GALNT17: variants seen among roughly 807,000 people sequenced by gnomAD.
GALNT17 encodes polypeptide N-acetylgalactosaminyltransferase 17.
In GALNT17, 29 loss-of-function variants were observed where a neutral mutation model predicts 63.7. That is an observed-to-expected ratio of 0.46 (90% confidence interval 0.34 to 0.62). The LOEUF (loss-of-function observed/expected upper bound fraction) is 0.62. GALNT17 is among the 20% of genes least tolerant of loss of function. The pLI, the probability that GALNT17 is intolerant of heterozygous loss-of-function variation, is 0.01. For missense variants in GALNT17, 603 were observed against 799.6 expected (o/e 0.75, Z 2.97); for synonymous variants, 305 against 318.3 (o/e 0.96, Z 0.45).
At chr7:71,517,830 A>G (rs1788468744) in intron 5 of GALNT17, among the ~76,000 whole-genome samples, 1 of 152,222 alleles carries the variant, frequency 6.6e-6, no homozygotes, top group Admixed American at 6.5e-5. Flanking sequence ...CCAAGTAAAC[A>G]AAAACAGAAA....
At chr7:71,396,461 T>C (rs944820683) in intron 3 of GALNT17, among the ~76,000 whole-genome samples, 4 of 152,190 alleles carry the variant, frequency 2.6e-5, no homozygotes, top group Non-Finnish European at 5.9e-5. Flanking sequence ...CTCTCAATCC[T>C]ATTTCTTTGA....
At position 71,388,229 on chromosome 7, in the gene GALNT17, C is replaced by A. The variant is rs368838334; in HGVS notation, c.423-6C>A. On this transcript the variant is annotated splice_polypyrimidine_tract_variant and splice_region_variant and intron_variant, in intron 2 of 10. Transcript: ENST00000333538. ...GACTCTGCATTTCCGATCTCTCCTTCCCCAGGTGTAAGGAGCTCAAGTACT... is the reference window on the plus strand; with the variant it reads ...GACTCTGCATTTCCGATCTCTCCTTACCCAGGTGTAAGGAGCTCAAGTACT... 1.3e-5 allele frequency: 21 copies of A among 1,612,354 alleles called. No individual in the cohort carries two copies. The highest frequency in any genetic ancestry group is 1.7e-5 in the Non-Finnish European group (20 of 1,178,970).
intron 5 of GALNT17, among the ~76,000 whole-genome samples, chr7:71,460,691 G>A (rs1410542348): frequency 6.6e-6 from 1 of 152,206 alleles, no homozygotes; most frequent in Non-Finnish European, 1.5e-5. Flanking sequence ...ACAGCCCTGA[G>A]GGCTGCTGGT....
chr7:71,449,108 CTTTTTTT>C (rs59368494), intron 5 of GALNT17, among the ~76,000 whole-genome samples: 1 of 72,754 alleles, frequency 1.4e-5, no homozygotes, highest in Non-Finnish European at 2.3e-5. Context: ...TGCCTATTTT[CTTTTTTT>C]TTTTTTTTTT....
chr7:71,134,812 A>T (rs1157550946), intron 1 of GALNT17, among the ~76,000 whole-genome samples: 1 of 118,876 alleles, frequency 8.4e-6, no homozygotes, highest in African/African-American at 3.1e-5. Flanking sequence ...AGGTTAGTTT[A>T]GTATCAGTTT....
chr7:71,466,200 T>C (rs1295742105), intron 5 of GALNT17, among the ~76,000 whole-genome samples: 1 of 152,178 alleles, frequency 6.6e-6, no homozygotes, highest in Non-Finnish European at 1.5e-5. Flanking sequence ...AAAGTCCTCC[T>C]GCTGACTAAA....
At chr7:71,551,563 G>T (rs1447611934) in intron 5 of GALNT17, among the ~76,000 whole-genome samples, 1 of 151,960 alleles carries the variant, frequency 6.6e-6, no homozygotes, top group East Asian at 1.9e-4. Flanking sequence ...AAAAAGTTAT[G>T]TATAGCCTGG....
At chr7:71,315,896 C>A (rs1246111074) in intron 1 of GALNT17, among the ~76,000 whole-genome samples, 3 of 152,158 alleles carry the variant, frequency 2.0e-5, no homozygotes, top group African/African-American at 4.8e-5. Context: ...GTCCATCACC[C>A]TTGAGTGAAA....
At chr7:71,707,848 T>G (rs1447868821) in intron 9 of GALNT17, among the ~76,000 whole-genome samples, 2 of 152,158 alleles carry the variant, frequency 1.3e-5, no homozygotes, top group African/African-American at 4.8e-5. Flanking sequence ...TCACTTCTGC[T>G]CCATTCCATT....
intron 1 of GALNT17, among the ~76,000 whole-genome samples, chr7:71,276,239 T>TA (rs200134012): frequency 1.3e-4 from 20 of 150,662 alleles, no homozygotes; most frequent in South Asian, 1.1e-3. Context: ...GCTGCAGGGG[T>TA]GGGGGTGGTC....
intron 1 of GALNT17, among the ~76,000 whole-genome samples, chr7:71,232,316 G>T (rs1789805357): frequency 6.6e-6 from 1 of 152,138 alleles, no homozygotes; most frequent in Non-Finnish European, 1.5e-5. Context: ...TTGTGCAGGG[G>T]TGAAAGATTG....
chr7:71,437,966 G>C (rs1786995353), intron 5 of GALNT17, among the ~76,000 whole-genome samples: 1 of 152,102 alleles, frequency 6.6e-6, no homozygotes, highest in Admixed American at 6.6e-5. Context: ...TCGTGCCTTG[G>C]CCTCCCAAAG....
intron 5 of GALNT17, among the ~76,000 whole-genome samples, chr7:71,475,020 A>G (rs151224440): frequency 6.6e-6 from 1 of 152,054 alleles, no homozygotes; most frequent in African/African-American, 2.4e-5. Flanking sequence ...GGAAGAGGCA[A>G]TGAATGGCCT....
At chr7:71,378,225 G>A (rs961494980) in intron 2 of GALNT17, among the ~76,000 whole-genome samples, 13 of 152,190 alleles carry the variant, frequency 8.5e-5, no homozygotes, top group African/African-American at 2.9e-4. Flanking sequence ...TGGAAGAACT[G>A]CAGAGCTCAA....
intron 1 of GALNT17, among the ~76,000 whole-genome samples, chr7:71,207,413 T>C (rs1203436731): frequency 6.6e-6 from 1 of 152,184 alleles, no homozygotes; most frequent in Non-Finnish European, 1.5e-5. Flanking sequence ...CCTTATCTTC[T>C]GTTATGTGGA....
At chr7:71,223,089 A>T (rs1020322803) in intron 1 of GALNT17, among the ~76,000 whole-genome samples, 5 of 152,168 alleles carry the variant, frequency 3.3e-5, no homozygotes, top group Non-Finnish European at 7.4e-5. Flanking sequence ...CCCCCAAAAA[A>T]GATAGTTTCT....
intron 1 of GALNT17, among the ~76,000 whole-genome samples, chr7:71,179,954 C>G (rs1218947931): frequency 2.6e-5 from 4 of 152,128 alleles, no homozygotes; most frequent in African/African-American, 9.7e-5. Context: ...ATACAAGCTA[C>G]TCTGACAATA....
chr7:71,691,151 G>T (rs1791437372), intron 9 of GALNT17, among the ~76,000 whole-genome samples: 1 of 152,080 alleles, frequency 6.6e-6, no homozygotes, highest in Non-Finnish European at 1.5e-5. Context: ...CTTATTTTAA[G>T]AAATTGCCAC....
At chr7:71,459,212 A>G (rs371028012) in intron 5 of GALNT17, among the ~76,000 whole-genome samples, 6 of 152,318 alleles carry the variant, frequency 3.9e-5, no homozygotes, top group African/African-American at 1.4e-4. Context: ...CTCTGGGGCT[A>G]CCACATGGGC....
Sources: gnomAD v4.1 joint callset for allele counts (sites outside exome capture counted in the v4.1 genomes callset) on GRCh38, gnomAD v4.1.1 for gene constraint, MANE v1.5 for transcripts, NCBI Gene and HGNC (gene_info 2026-07-23, HGNC 2026-07-21) for gene names.